Variants in MYO3B observed in about 807,000 individuals in gnomAD.
MYO3B encodes myosin-IIIb.
In MYO3B, 156 loss-of-function variants were observed where a neutral mutation model predicts 174.6. The observed-to-expected ratio is 0.89, with a 90% CI of 0.78 to 1.02. The LOEUF (loss-of-function observed/expected upper bound fraction) is 1.02, where lower values mean the gene tolerates loss of function less well. Ranked by LOEUF, MYO3B falls within the 50% of genes least tolerant of loss-of-function variation. The pLI, the probability that MYO3B is intolerant of heterozygous loss-of-function variation, is 0.00. For missense variants in MYO3B, 1,632 were observed against 1,639.4 expected, an observed-to-expected ratio of 1.00 and a Z score of 0.08; for synonymous variants, 563 against 569.1, an observed-to-expected ratio of 0.99 and a Z score of 0.15.
intron 32 of MYO3B, among the ~76,000 whole-genome samples, chr2:170,649,103 A>ATATATAAAATAATATATAATG (rs1372229852): frequency 6.8e-5 from 5 of 73,990 alleles, no homozygotes; most frequent in East Asian, 3.8e-4. Flanking sequence ...AATGTATATT[A>ATATATAAAATAATATATAATG]TATATAAAAT....
chr2:170,616,424 C>A (rs189708260), intron 32 of MYO3B, among the ~76,000 whole-genome samples: 1 of 152,160 alleles, frequency 6.6e-6, no homozygotes, highest in East Asian at 1.9e-4. Flanking sequence ...AATCACATCA[C>A]GTGCAGTTGG....
chr2:170,532,126 T>C (rs77852611), intron 30 of MYO3B, among the ~76,000 whole-genome samples: 6,884 of 152,274 alleles, frequency 0.045, 369 homozygotes, highest in African/African-American at 0.12. Context: ...TGTTATGATG[T>C]ATTGAGAAGA....
intron 32 of MYO3B, among the ~76,000 whole-genome samples, chr2:170,648,553 G>A (rs1198412154): frequency 6.7e-6 from 1 of 150,356 alleles, no homozygotes; most frequent in East Asian, 1.9e-4. Context: ...ATCGCTTGAG[G>A]CGGAGGCTAC....
chr2:170,351,513 C>T (rs1390034133), intron 8 of MYO3B, among the ~76,000 whole-genome samples: 1 of 151,976 alleles, frequency 6.6e-6, no homozygotes, highest in Non-Finnish European at 1.5e-5. Flanking sequence ...TCCATATGCC[C>T]AATAAGACCA....
At chr2:170,398,034 C>T (rs2094451057) in intron 16 of MYO3B, among the ~76,000 whole-genome samples, 1 of 151,764 alleles carries the variant, frequency 6.6e-6, no homozygotes, top group African/African-American at 2.4e-5. Context: ...CCAGCCTGAC[C>T]AACATGGTGA....
In MYO3B at chr2:170,237,771, C is replaced by T. The variant is rs547662159; in HGVS notation, c.749+1635C>T. On this transcript the variant is annotated intron_variant, in intron 7 of 34. Coordinates refer to ENST00000408978, the MANE Select transcript of MYO3B (RefSeq NM_138995.5). ...ATTGGGCAATTGTTAGAAAAGGATC[C>T]TTATCCCAACTTAGTTTAAGGCTTT... Among the ~76,000 whole-genome samples the T allele has an allele frequency of 2.6e-5, 4 of 152,274 alleles. No individual in the cohort carries two copies. In the South Asian group the frequency reaches 8.3e-4, roughly 32 times the overall value.
At chr2:170,229,081 G>T (rs372857348) in intron 6 of MYO3B, among the ~76,000 whole-genome samples, 1 of 151,434 alleles carries the variant, frequency 6.6e-6, no homozygotes, top group Non-Finnish European at 1.5e-5. Context: ...ACTTTAAGAT[G>T]TTCATTTGTA....
At position 170,397,061 on chromosome 2, in the gene MYO3B, C is replaced by T. The variant is rs569613303; in HGVS notation, c.1792-3127C>T. Among the ~76,000 whole-genome samples the T allele has an allele frequency of 2.1e-3, 321 of 152,168 alleles. 1 individual carries two copies. The highest frequency in any genetic ancestry group is 7.2e-3 in the African/African-American group (300 of 41,512). ...TAACGAGGTGCTGTCATGTTAAATC[C>T]GAGCAAGTCCCAGAAAACCTACTTA... is the stretch of plus-strand genomic sequence containing the variant. On this transcript the variant is annotated intron_variant, in intron 16 of 34. Coordinates refer to ENST00000408978, the MANE Select transcript of MYO3B (RefSeq NM_138995.5).
chr2:170,583,317 T>A (rs533262920), intron 32 of MYO3B, among the ~76,000 whole-genome samples: 8 of 152,130 alleles, frequency 5.3e-5, no homozygotes, highest in Non-Finnish European at 7.3e-5. Flanking sequence ...AGGCTCTCAG[T>A]GGTTCAGTCC....
At chr2:170,583,960 C>T (rs1324488441) in intron 32 of MYO3B, among the ~76,000 whole-genome samples, 1 of 151,892 alleles carries the variant, frequency 6.6e-6, no homozygotes, top group Non-Finnish European at 1.5e-5. Context: ...TTTTTGTTTT[C>T]AAGATAACCT....
intron 32 of MYO3B, among the ~76,000 whole-genome samples, chr2:170,607,177 T>C (rs1694867183): frequency 6.6e-6 from 1 of 152,242 alleles, no homozygotes; most frequent in Non-Finnish European, 1.5e-5. Context: ...AGATTGTTGC[T>C]ATTAGATAGT....
At chr2:170,201,971 G>A (rs1050578151) in intron 3 of MYO3B, among the ~76,000 whole-genome samples, 7 of 152,206 alleles carry the variant, frequency 4.6e-5, no homozygotes, top group Admixed American at 1.3e-4. Flanking sequence ...AGGAATTTTC[G>A]AGGGCCTAAA....
At position 170,383,776 on chromosome 2, in the gene MYO3B, G is replaced by T; in HGVS notation, c.1252G>T (p.Ala418Ser). 1 of 1,613,784 alleles carries T rather than the reference G, an allele frequency of 6.2e-7. No individual in the cohort carries two copies. Among genetic ancestry groups the T allele is most frequent in the Non-Finnish European group, 8.5e-7 (1 of 1,179,734 alleles). Residue 418 changes from alanine to serine, a missense_variant, in exon 12 of 35, where the codon GCT (alanine) becomes TCT (serine). Transcript: ENST00000408978. ...CCCCCACATATTTGCATCAGCAGAT[G>T]CTGCTTACCAGTGCATGGTTACTCT... ...NPPHIFASAD[A>S]AYQCMVTLSK...
chr2:170,222,234 G>C (rs892964410), intron 6 of MYO3B, among the ~76,000 whole-genome samples: 1 of 152,200 alleles, frequency 6.6e-6, no homozygotes, highest in Non-Finnish European at 1.5e-5. Context: ...GCTCCAACAT[G>C]CCAATAGCCA....
At chr2:170,410,606 A>C (rs994577188) in intron 22 of MYO3B, among the ~76,000 whole-genome samples, 4 of 149,992 alleles carry the variant, frequency 2.7e-5, no homozygotes, top group African/African-American at 7.3e-5. Context: ...AAAAAAAAAA[A>C]AAAAACTTGG....
At chr2:170,636,910 AT>A (rs1697532627) in intron 32 of MYO3B, among the ~76,000 whole-genome samples, 1 of 151,472 alleles carries the variant, frequency 6.6e-6, no homozygotes, top group Non-Finnish European at 1.5e-5. Flanking sequence ...CACTGGAACT[AT>A]CTTTTAGTTT....
intron 32 of MYO3B, among the ~76,000 whole-genome samples, chr2:170,594,527 A>G (rs1436904778): frequency 6.6e-6 from 1 of 152,114 alleles, no homozygotes; most frequent in African/African-American, 2.4e-5. Context: ...CAGCTAACAG[A>G]CATCTAACAA....
chr2:170,290,205 G>A (rs2093586827), intron 7 of MYO3B, among the ~76,000 whole-genome samples: 1 of 151,926 alleles, frequency 6.6e-6, no homozygotes, highest in African/African-American at 2.4e-5. Flanking sequence ...TAGATTTAGT[G>A]TGGAGTTTAA....
At chr2:170,550,941 C>T (rs538919726) in intron 32 of MYO3B, among the ~76,000 whole-genome samples, 3 of 152,282 alleles carry the variant, frequency 2.0e-5, no homozygotes, top group East Asian at 3.9e-4. Context: ...CTCTGTCACC[C>T]AGGCTGCAGT....
Sources: gnomAD v4.1 joint callset for allele counts (sites outside exome capture counted in the v4.1 genomes callset) on GRCh38, gnomAD v4.1.1 for gene constraint, MANE v1.5 for transcripts, NCBI Gene and HGNC (gene_info 2026-07-23, HGNC 2026-07-21) for gene names.